TSC2: variants seen among roughly 807,000 people sequenced by gnomAD.
TSC2 encodes TSC complex subunit 2.
In TSC2, 29 loss-of-function variants were observed where a neutral mutation model predicts 202.2. The ratio of observed to expected loss-of-function variants is 0.14; its 90% CI spans 0.11 to 0.20. The LOEUF (loss-of-function observed/expected upper bound fraction) is 0.20. TSC2 is among the 10% of genes least tolerant of loss of function. The pLI is 1.00. For missense variants in TSC2, 2,429 were observed against 2,420.0 expected, an observed-to-expected ratio of 1.00 and a Z score of -0.08; for synonymous variants, 1,349 against 1,044.0, an observed-to-expected ratio of 1.29 and a Z score of -5.63.
At chr16:2,084,868 C>G (rs561119027) in intron 34 of TSC2, 83 bp from the exon 35 acceptor site, 1 of 1,603,138 alleles carries the variant, frequency 6.2e-7, no homozygotes, top group South Asian at 1.1e-5. Context: ...TGGGAGATGG[C>G]CAGGCTCTGT....
At chr16:2,063,750 T>C in intron 14 of TSC2, 142 of 210,344 alleles carry the variant, frequency 6.8e-4, no homozygotes, top group South Asian at 3.1e-3. Context: ...TTCCTCTGGG[T>C]CCTCTGGCTT....
chr16:2,070,664 G>A (rs1311611149), intron 17 of TSC2, 86 bp downstream of exon 17: 6 of 1,596,026 alleles, frequency 3.8e-6, no homozygotes, highest in Non-Finnish European at 5.1e-6. Flanking sequence ...GGAAGCTGCA[G>A]AGACGGCCCC....
chr16:2,058,749 C>T lies in TSC2; in HGVS notation c.851C>T (p.Ala284Val), dbSNP rs1195702502. 3 of 1,580,450 alleles carry T rather than the reference C, an allele frequency of 1.9e-6. No homozygotes were observed. Among genetic ancestry groups the T allele is most frequent in the East Asian group, 2.3e-5 (1 of 43,864 alleles). Residue 284 changes from alanine (A) to valine (V), a missense_variant and splice_region_variant, in exon 10 of 42, where the codon GCC (alanine) becomes GTC (valine). Coordinates refer to ENST00000219476, the MANE Select transcript of TSC2 (RefSeq NM_000548.5). ...YNMCHLMEDR[A>V]YMEDAPLLRG... ...GTCTCTCTGGGGAACACTTTTAGAG[C>T]CTACATGGAGGACGCGCCCCTGCTG...
In TSC2 at chr16:2,086,346, T is replaced by G. The variant is rs2090786390; in HGVS notation, c.4816T>G (p.Phe1606Val). 6.2e-7 allele frequency: 1 copy of G among 1,612,834 alleles called. No homozygotes were observed. The highest frequency in any genetic ancestry group is 8.5e-7 in the Non-Finnish European group (1 of 1,179,906). Residue 1606 changes from phenylalanine to valine, a missense_variant, in exon 37 of 42, where the codon TTC becomes GTC. Transcript: ENST00000219476. ...GLDVCGEDGQ[F>V]TYCWHDDIMQ... ...GGACGTGTGTGGTGAGGACGGCCAG[T>G]TCACCTACTGCTGGCACGATGACAT...
chr16:2,086,076 G>A (rs1056157864), intron 36 of TSC2, 117 bp from the exon 37 acceptor site: 2 of 1,219,148 alleles, frequency 1.6e-6, no homozygotes, highest in Admixed American at 1.9e-5. Flanking sequence ...GGATGGTCTT[G>A]TCTGCCTCAG....
chr16:2,076,469 C>T (rs1434064673), intron 24 of TSC2, 22 bp from the exon 25 acceptor site: 3 of 1,612,814 alleles, frequency 1.9e-6, no homozygotes, highest in Non-Finnish European at 2.5e-6. Flanking sequence ...CCCTCACTGT[C>T]TGGGTGTGCT....
At position 2,070,492 on chromosome 16, in the gene TSC2, C is replaced by G. The variant is rs370324876; in HGVS notation, c.1753C>G (p.Arg585Gly). ...CACCCTGCCTGCAAGCCACGCCACGCGTGTGTATGAGATGCTGGTCAGCCA... is the reference window on the plus strand; with the variant it reads ...CACCCTGCCTGCAAGCCACGCCACGGGTGTGTATGAGATGCTGGTCAGCCA... ...LYTLPASHAT[R>G]VYEMLVSHIQ... The change falls in exon 17 of 42, where the codon CGT becomes GGT. Residue 585 changes from arginine (R) to glycine (G), a missense_variant. Physicochemically the swap from Arg to Gly is moderately radical, Grantham distance 125. Coordinates refer to ENST00000219476, the MANE Select transcript of TSC2 (RefSeq NM_000548.5). The G allele has an allele frequency of 1.9e-6, 3 of 1,613,298 alleles. No individual in the cohort carries two copies. The African/African-American group carries it at 4.0e-5, about 22-fold the overall frequency.
Position 2,062,981 on chromosome 16 carries a change from C to A in TSC2, c.1371C>A (p.Ser457=). The A allele has an allele frequency of 1.3e-6, 2 of 1,550,796 alleles. No homozygotes were observed. The highest frequency in any genetic ancestry group is 8.7e-7 in the Non-Finnish European group (1 of 1,146,834). Reference sequence around the variant, plus strand: ...GGCTGCCGTCCCGCAGGAGCGAGTCCCGAGGCGCCGTGCGCATCAAGGTGC... The same window carrying A: ...GGCTGCCGTCCCGCAGGAGCGAGTCACGAGGCGCCGTGCGCATCAAGGTGC... ...ALMERFFRSE[S]RGAVRIKVLD... The change falls in exon 14 of 42, where the codon TCC becomes TCA. Residue 457 remains serine (S), a synonymous_variant. Coordinates refer to ENST00000219476, the MANE Select transcript of TSC2 (RefSeq NM_000548.5).
In TSC2 at chr16:2,089,251, A is replaced by C. The variant is rs528412312; in HGVS notation, c.*641A>C. 3.6e-4 allele frequency: 65 copies of C among 178,726 alleles called. No homozygotes were observed. Among genetic ancestry groups the C allele is most frequent in the African/African-American group, 1.5e-3 (63 of 42,222 alleles). 11.1% of individuals were successfully genotyped at this position (178,726 alleles called of 1,614,324 possible). A position where few individuals can be genotyped will look rare whatever the true frequency, so the allele number is the denominator to read the frequency against. On this transcript the variant is annotated 3_prime_UTR_variant, in exon 42 of 42. Transcript: ENST00000219476. ...CCTAGTGAAAATAGTGACATACAAAAATATACACATTTTAACACCATATAA... is the reference window on the plus strand; with the variant it reads ...CCTAGTGAAAATAGTGACATACAAACATATACACATTTTAACACCATATAA...
rs1354917235 is a variant in TSC2, at chr16:2,076,126, T to A, written c.2698T>A (p.Cys900Ser). The A allele has an allele frequency of 6.2e-7, 1 of 1,613,884 alleles. No individual in the cohort carries two copies. The highest frequency in any genetic ancestry group is 2.2e-5 in the East Asian group (1 of 44,870). ...CGTCATAGCCATGTGGTTCATCAGGTGCCGCCTGCCCTTCCGGAAGGATTT... is the reference window on the plus strand; with the variant it reads ...CGTCATAGCCATGTGGTTCATCAGGAGCCGCCTGCCCTTCCGGAAGGATTT... ...HHVIAMWFIR[C>S]RLPFRKDFVP... The change falls in exon 24 of 42, where the codon TGC (cysteine) becomes AGC (serine). Residue 900 changes from cysteine (C) to serine (S), a missense_variant. By Grantham distance (112) the Cys-to-Ser change is moderately radical. Coordinates refer to ENST00000219476, the MANE Select transcript of TSC2 (RefSeq NM_000548.5).
Position 2,072,316 on chromosome 16 carries a change from A to G in TSC2, c.2173A>G (p.Thr725Ala). The G allele has an allele frequency of 6.2e-7, 1 of 1,614,124 alleles. No homozygotes were observed. Among genetic ancestry groups the G allele is most frequent in the East Asian group, 2.2e-5 (1 of 44,876 alleles). ...CCTGCGCTATAAAGTGCTCATCTTT[A>G]CTTCCCCTTGCAGTGTGGACCAGCT... ...ESLRYKVLIF[T>A]SPCSVDQLCS... The change falls in exon 20 of 42, where the codon ACT becomes GCT. Residue 725 changes from threonine (T) to alanine (A), a missense_variant. Transcript: ENST00000219476.
At chr16:2,049,363 G>C (rs1051172975) in intron 2 of TSC2, among the ~76,000 whole-genome samples, 3 of 151,988 alleles carry the variant, frequency 2.0e-5, no homozygotes, top group African/African-American at 7.2e-5. Flanking sequence ...TGGGATTACA[G>C]GCATGAGCCA....
At chr16:2,055,371 T>G in intron 5 of TSC2, 31 bp from the exon 6 acceptor site, 1 of 1,579,634 alleles carries the variant, frequency 6.3e-7, no homozygotes. Context: ...AGATTCGGCG[T>G]CCTCGCAAAC....
In TSC2 at chr16:2,072,970, A is replaced by G. The variant is rs2088705306; in HGVS notation, c.2342A>G (p.Asp781Gly). 6.2e-7 allele frequency: 1 copy of G among 1,613,512 alleles called. No homozygotes were observed. The highest frequency in any genetic ancestry group is 8.5e-7 in the Non-Finnish European group (1 of 1,180,028). ...TALISYHNYL[D>G]KTKQREMVYC... Reference sequence around the variant, plus strand: ...TTAATCTCTTACCATAACTACCTGGACAAAACCAAACAGGTAGGAGGTCAG... The same window carrying G: ...TTAATCTCTTACCATAACTACCTGGGCAAAACCAAACAGGTAGGAGGTCAG... Residue 781 changes from aspartate to glycine, a missense_variant, in exon 21 of 42, where the codon GAC (aspartate) becomes GGC (glycine). Transcript: ENST00000219476.
rs1175950073 is a variant in TSC2, at chr16:2,053,411, C to T, written c.295C>T (p.His99Tyr). Residue 99 changes from histidine (H) to tyrosine (Y), a missense_variant, in exon 4 of 42, where the codon CAC becomes TAC. His to Tyr is a moderately conservative substitution (Grantham distance 83). Coordinates refer to ENST00000219476, the MANE Select transcript of TSC2 (RefSeq NM_000548.5). ...GCCGGAGCGGCCGCTGGAGGCCCGG[C>T]ACGCGGTGCTGGCTCTGCTGAAGGC... is the stretch of plus-strand genomic sequence containing the variant. ...LQPERPLEAR[H>Y]AVLALLKAIV... is the part of the protein sequence containing the mutation. The T allele has an allele frequency of 6.3e-7, 1 of 1,587,380 alleles. No individual in the cohort carries two copies. Among genetic ancestry groups the T allele is most frequent in the Non-Finnish European group, 8.6e-7 (1 of 1,167,834 alleles).
intron 30 of TSC2, chr16:2,081,235 G>T: frequency 2.6e-6 from 1 of 379,096 alleles, no homozygotes; most frequent in Non-Finnish European, 5.1e-6. Context: ...CAGAGCCCAG[G>T]GACAGAGGGA....
chr16:2,060,722 C>T lies in TSC2; in HGVS notation c.1028C>T (p.Thr343Ile), dbSNP rs1038700070. 1 of 1,614,080 alleles carries T rather than the reference C, an allele frequency of 6.2e-7. No homozygotes were observed. Among genetic ancestry groups the T allele is most frequent in the Non-Finnish European group, 8.5e-7 (1 of 1,179,984 alleles). Residue 343 changes from threonine (T) to isoleucine (I), a missense_variant, in exon 11 of 42, where the codon ACC becomes ATC. Physicochemically the swap from Thr to Ile is moderately conservative, Grantham distance 89. Transcript: ENST00000219476. ...VVSYEIVLSITRLIKKYRKEL... is the reference protein window; with the variant it reads ...VVSYEIVLSIIRLIKKYRKEL... ...TCCTATGAGATCGTCCTGTCCATCA[C>T]CAGGCTCATCAAGAAGTATAGGAAG... is the stretch of plus-strand genomic sequence containing the variant.
At chr16:2,076,298 G>A in intron 24 of TSC2, 128 bp downstream of exon 24, 1 of 1,562,222 alleles carries the variant, frequency 6.4e-7, no homozygotes, top group Non-Finnish European at 8.6e-7. Flanking sequence ...GGCTGTGCCT[G>A]TGGCGCTGGG....
chr16:2,076,451 A>T, intron 24 of TSC2, 40 bp from the exon 25 acceptor site: 3 of 1,611,142 alleles, frequency 1.9e-6, no homozygotes, highest in Non-Finnish European at 2.5e-6. Context: ...TCCAGCCCCC[A>T]TTGCCACCCC....
Sources: allele counts gnomAD v4.1 joint callset (sites outside exome capture counted in the v4.1 genomes callset), GRCh38; gene constraint gnomAD v4.1.1; transcripts MANE v1.5; gene names NCBI Gene and HGNC (gene_info 2026-07-23, HGNC 2026-07-21).